STK32B: variants seen among roughly 807,000 people sequenced by gnomAD.
STK32B encodes serine/threonine-protein kinase 32B.
In STK32B, 43 loss-of-function variants were observed where a neutral mutation model predicts 52.6. The ratio of observed to expected loss-of-function variants is 0.82; its 90% CI spans 0.64 to 1.05. The LOEUF (loss-of-function observed/expected upper bound fraction) is 1.05, where lower values mean the gene tolerates loss of function less well. STK32B is among the 50% of genes least tolerant of loss of function. STK32B has a pLI of 0.00. For missense variants in STK32B, 621 were observed against 534.6 expected, an observed-to-expected ratio of 1.16 and a Z score of -1.59; for synonymous variants, 238 against 204.3, an observed-to-expected ratio of 1.17 and a Z score of -1.41.
intron 3 of STK32B, among the ~76,000 whole-genome samples, chr4:5,247,785 A>C (rs1725569767): frequency 6.6e-6 from 1 of 151,366 alleles, no homozygotes; most frequent in South Asian, 2.1e-4. Context: ...AAGGAGGATC[A>C]TTTTCTTTTG....
chr4:5,445,729 A>G (rs542942597), intron 6 of STK32B, among the ~76,000 whole-genome samples: 22 of 152,304 alleles, frequency 1.4e-4, no homozygotes, highest in Non-Finnish European at 2.6e-4. Flanking sequence ...TACATTCACA[A>G]TGTTTTATGA....
chr4:5,220,953 A>G (rs1426148079), intron 3 of STK32B, among the ~76,000 whole-genome samples: 2 of 152,216 alleles, frequency 1.3e-5, no homozygotes, highest in African/African-American at 4.8e-5. Context: ...AGTTGCTACC[A>G]TCTCTTTCTA....
chr4:5,408,327 C>A (rs534200268), intron 5 of STK32B, among the ~76,000 whole-genome samples: 1 of 152,114 alleles, frequency 6.6e-6, no homozygotes, highest in South Asian at 2.1e-4. Flanking sequence ...TGACTGAGTT[C>A]TTGTGAGCTC....
intron 1 of STK32B, among the ~76,000 whole-genome samples, chr4:5,090,370 CTTTTTTT>C (rs754643704): frequency 5.3e-5 from 3 of 56,544 alleles, no homozygotes; most frequent in African/African-American, 1.1e-4. Flanking sequence ...TTTAATCCAT[CTTTTTTT>C]TTTTTTTTTT....
chr4:5,071,436 A>T (rs950495584), intron 1 of STK32B, among the ~76,000 whole-genome samples: 2 of 152,202 alleles, frequency 1.3e-5, no homozygotes. Context: ...CTTGTAGGAA[A>T]CAAAGCTTAT....
intron 1 of STK32B, among the ~76,000 whole-genome samples, chr4:5,136,967 G>A (rs1324661861): frequency 6.6e-6 from 1 of 152,160 alleles, no homozygotes; most frequent in Non-Finnish European, 1.5e-5. Flanking sequence ...TTCCCCAAAG[G>A]AGCCCACAAT....
intron 3 of STK32B, among the ~76,000 whole-genome samples, chr4:5,231,968 A>G (rs1276463418): frequency 6.6e-6 from 1 of 152,194 alleles, no homozygotes; most frequent in African/African-American, 2.4e-5. Flanking sequence ...AATGAATGGT[A>G]AAAATTCCTT....
chr4:5,261,596 A>G (rs536394580), intron 3 of STK32B, among the ~76,000 whole-genome samples: 9 of 152,212 alleles, frequency 5.9e-5, no homozygotes, highest in Non-Finnish European at 1.0e-4. Context: ...GAGAGGTTTA[A>G]TAACTTGCCT....
intron 7 of STK32B, among the ~76,000 whole-genome samples, chr4:5,451,965 G>C (rs1716043187): frequency 1.3e-5 from 2 of 152,174 alleles, no homozygotes. Context: ...GGGAGGACCT[G>C]CTTGAAAGCC....
chr4:5,266,393 G>A (rs989704127), intron 3 of STK32B, among the ~76,000 whole-genome samples: 7 of 152,166 alleles, frequency 4.6e-5, no homozygotes. Flanking sequence ...GGGAGTGACT[G>A]GGGGTAAAAG....
At chr4:5,054,603 A>C (rs1448859245) in intron 1 of STK32B, among the ~76,000 whole-genome samples, 1 of 152,194 alleles carries the variant, frequency 6.6e-6, no homozygotes, top group Non-Finnish European at 1.5e-5. Context: ...GGCCGGCCTT[A>C]AAGGGCCCAG....
chr4:5,049,164 G>A (rs1005960414), upstream of STK32B, among the ~76,000 whole-genome samples: 1 of 151,440 alleles, frequency 6.6e-6, no homozygotes, highest in South Asian at 2.1e-4. Flanking sequence ...CAGTCTCAGC[G>A]CCAGCACCCT....
the STK32B span, among the ~76,000 whole-genome samples, chr4:5,036,659 ATTTTT>A: frequency 1.3e-5 from 1 of 74,200 alleles, no homozygotes; most frequent in Admixed American, 1.9e-4. Flanking sequence ...GCAAGGGTGG[ATTTTT>A]TTTTTTTTTT....
At chr4:5,313,584 A>G (rs1398175653) in intron 3 of STK32B, among the ~76,000 whole-genome samples, 1 of 148,972 alleles carries the variant, frequency 6.7e-6, no homozygotes, top group Non-Finnish European at 1.5e-5. Context: ...TTCAGATGGC[A>G]TAGTTATTTA....
intron 1 of STK32B, among the ~76,000 whole-genome samples, chr4:5,098,364 C>T (rs186048032): frequency 6.6e-6 from 1 of 152,320 alleles, no homozygotes; most frequent in Admixed American, 6.5e-5. Context: ...TGGGGCTAAT[C>T]ACCACCCCAG....
intron 1 of STK32B, among the ~76,000 whole-genome samples, chr4:5,128,256 G>T (rs1205719960): frequency 6.6e-6 from 1 of 152,196 alleles, no homozygotes; most frequent in South Asian, 2.1e-4. Context: ...TGTAATTGGT[G>T]GTAGCTTGTT....
intron 7 of STK32B, among the ~76,000 whole-genome samples, chr4:5,451,450 T>C (rs1368599904): frequency 6.6e-6 from 1 of 152,188 alleles, no homozygotes; most frequent in Admixed American, 6.5e-5. Context: ...GTACTATCCA[T>C]GGTACCTAAG....
chr4:5,278,156 G>A (rs1727957093), intron 3 of STK32B, among the ~76,000 whole-genome samples: 1 of 152,336 alleles, frequency 6.6e-6, no homozygotes, highest in South Asian at 2.1e-4. Context: ...AAGGTGATGG[G>A]CTAGTCTATG....
At chr4:5,477,383 A>G (rs1718323080) in intron 11 of STK32B, among the ~76,000 whole-genome samples, 1 of 152,086 alleles carries the variant, frequency 6.6e-6, no homozygotes, top group Non-Finnish European at 1.5e-5. Flanking sequence ...GTGTCCTCTC[A>G]AATGGCCTAA....
Sources: gnomAD v4.1 joint callset for allele counts (sites outside exome capture counted in the v4.1 genomes callset) on GRCh38, gnomAD v4.1.1 for gene constraint, MANE v1.5 for transcripts, NCBI Gene and HGNC (gene_info 2026-07-23, HGNC 2026-07-21) for gene names.